AKAP9: variants seen among roughly 807,000 people sequenced by gnomAD.
AKAP9 encodes A-kinase anchoring protein 9.
Under a neutral mutation model 488.5 loss-of-function variants are expected in AKAP9, and 311 were observed. That is an observed-to-expected ratio of 0.64 (90% CI 0.58 to 0.70). The LOEUF is 0.70. Among genes scored for constraint, AKAP9 ranks in the 30% least tolerant of loss-of-function variants. The pLI, the probability that AKAP9 is intolerant of heterozygous loss-of-function variation, is 0.00. For missense variants in AKAP9, 4,215 were observed against 4,374.5 expected, an observed-to-expected ratio of 0.96 and a Z score of 1.03; for synonymous variants, 1,462 against 1,483.5, an observed-to-expected ratio of 0.99 and a Z score of 0.33.
chr7:91,976,820 T>C (rs1266416895), intron 2 of AKAP9, among the ~76,000 whole-genome samples: 1 of 152,220 alleles, frequency 6.6e-6, no homozygotes, highest in Admixed American at 6.5e-5. Flanking sequence ...ATTCCAGAAT[T>C]TTTATTTGAT....
At chr7:92,082,495 G>GT (rs755799085) in intron 31 of AKAP9, 27 bp from the exon 32 acceptor site, 1 of 1,610,438 alleles carries the variant, frequency 6.2e-7, no homozygotes, top group African/African-American at 1.3e-5. Flanking sequence ...TAAATTATGT[G>GT]TTTCTTGTGT....
intron 48 of AKAP9, 104 bp from the exon 49 acceptor site, chr7:92,108,390 G>T: frequency 8.8e-7 from 1 of 1,131,408 alleles, no homozygotes; most frequent in Non-Finnish European, 1.3e-6. Flanking sequence ...CATTATGTGT[G>T]TACAAGTGAC....
intron 38 of AKAP9, among the ~76,000 whole-genome samples, chr7:92,091,633 C>T (rs1352390533): frequency 5.6e-5 from 8 of 144,136 alleles, no homozygotes; most frequent in Non-Finnish European, 1.2e-4. Context: ...ATTCTTACCA[C>T]TGAGTTTAAG....
chr7:92,077,100 T>TC (rs1438176065), intron 29 of AKAP9, 93 bp downstream of exon 29: 2 of 468,544 alleles, frequency 4.3e-6, no homozygotes, highest in Non-Finnish European at 6.0e-6. Flanking sequence ...TTCTTTCTTT[T>TC]TTTTTTTTTT....
At chr7:92,102,939 G>T in intron 46 of AKAP9, 113 bp downstream of exon 46, 1 of 966,072 alleles carries the variant, frequency 1.0e-6, no homozygotes, top group South Asian at 1.4e-5. Flanking sequence ...ATAGTAGGAG[G>T]TATGTGCCAT....
Position 92,092,941 on chromosome 7 carries a change from A to G in AKAP9, c.9359-156A>G. 4.6e-6 allele frequency: 3 copies of G among 651,654 alleles called. No homozygotes were observed. The South Asian group carries it at 5.8e-5, about 13-fold the overall frequency. 40.4% of individuals were successfully genotyped at this position (651,654 alleles called of 1,614,324 possible). A position where few individuals can be genotyped will look rare whatever the true frequency, so the allele number is the denominator to read the frequency against. ...GCTGGGATTACAGGTGTGAGCCACC[A>G]TGCCTGGACTGCATTACCAACTCTT... On this transcript the variant is annotated intron_variant, in intron 38 of 49. Transcript: ENST00000356239.
chr7:92,096,600 G>A (rs1816619567), intron 40 of AKAP9, 89 bp from the exon 41 acceptor site: 1 of 1,488,082 alleles, frequency 6.7e-7, no homozygotes, highest in African/African-American at 1.4e-5. Flanking sequence ...GCCTCCCAAA[G>A]TGCTGGGATT....
At chr7:91,986,190 G>A (rs190175324) in intron 3 of AKAP9, among the ~76,000 whole-genome samples, 290 of 152,284 alleles carry the variant, frequency 1.9e-3, no homozygotes, top group African/African-American at 6.5e-3. Context: ...GAAAGAAATG[G>A]GACCTGCTGA....
chr7:91,960,337 G>C (rs368697455), intron 1 of AKAP9, among the ~76,000 whole-genome samples: 3 of 152,142 alleles, frequency 2.0e-5, no homozygotes, highest in African/African-American at 7.2e-5. Flanking sequence ...TGTTCTTTAA[G>C]TTACTGTTCT....
intron 1 of AKAP9, among the ~76,000 whole-genome samples, chr7:91,964,445 A>G (rs1794168708): frequency 6.6e-6 from 1 of 152,164 alleles, no homozygotes; most frequent in African/African-American, 2.4e-5. Flanking sequence ...TTAGGTGGTG[A>G]TATTTTAGGT....
rs548226435 is a variant in AKAP9 at position 92,014,033 on chromosome 7, A to G, written c.3533-216A>G. ...CATTTTTTTGTGTTGGGTTGTAGTAAAAAGAAGTCACTGCTTTGTACCATT... is the reference window on the plus strand; with the variant it reads ...CATTTTTTTGTGTTGGGTTGTAGTAGAAAGAAGTCACTGCTTTGTACCATT... On this transcript the variant is annotated intron_variant, in intron 9 of 49. Coordinates refer to ENST00000356239, the MANE Select transcript of AKAP9 (RefSeq NM_005751.5). Among the ~76,000 whole-genome samples, 13 of 152,306 alleles carry G rather than the reference A, an allele frequency of 8.5e-5. No individual in the cohort carries two copies. In the East Asian group the frequency reaches 2.5e-3, roughly 29 times the overall value.
chr7:92,077,097 T>TC (rs1491550014), intron 29 of AKAP9, 90 bp downstream of exon 29: 3 of 227,610 alleles, frequency 1.3e-5, no homozygotes, highest in Middle Eastern at 1.8e-3. Flanking sequence ...TATTTCTTTC[T>TC]TTTTTTTTTT....
chr7:91,948,454 T>G (rs1262248947), intron 1 of AKAP9, among the ~76,000 whole-genome samples: 2 of 152,164 alleles, frequency 1.3e-5, no homozygotes, highest in African/African-American at 4.8e-5. Flanking sequence ...TTTCTGTTTT[T>G]TTTGTTTGTT....
intron 43 of AKAP9, 91 bp downstream of exon 43, chr7:92,098,305 C>A: frequency 1.4e-6 from 1 of 721,382 alleles, no homozygotes; most frequent in Non-Finnish European, 2.4e-6. Context: ...ATTCTTTATA[C>A]TCTTTATAGA....
At chr7:91,958,189 G>A (rs1329179418) in intron 1 of AKAP9, among the ~76,000 whole-genome samples, 1 of 152,176 alleles carries the variant, frequency 6.6e-6, no homozygotes, top group Non-Finnish European at 1.5e-5. Flanking sequence ...AGATGCAGCA[G>A]TTCTTTTATT....
chr7:92,031,503 T>C lies in AKAP9; in HGVS notation c.4246-9T>C, dbSNP rs765294379. On this transcript the variant is annotated splice_polypyrimidine_tract_variant and intron_variant, in intron 15 of 49. Coordinates refer to ENST00000356239, the MANE Select transcript of AKAP9 (RefSeq NM_005751.5). The stretch of plus-strand genomic sequence containing the variant: ...GTAAATAAATGTCATATTTTGCTTT[T>C]AAATGTAGTTTTCTGGTGAATTTGG... The C allele has an allele frequency of 8.1e-6, 13 of 1,598,142 alleles. No individual in the cohort carries two copies. The highest frequency in any genetic ancestry group is 1.1e-5 in the Non-Finnish European group (13 of 1,166,230).
intron 3 of AKAP9, among the ~76,000 whole-genome samples, chr7:91,988,816 A>G (rs912690536): frequency 2.6e-5 from 4 of 152,114 alleles, no homozygotes; most frequent in African/African-American, 9.7e-5. Context: ...TTATTATTAT[A>G]CTTTAAGTTC....
At chr7:92,055,882 T>C (rs1395487732) in intron 22 of AKAP9, among the ~76,000 whole-genome samples, 1 of 151,978 alleles carries the variant, frequency 6.6e-6, no homozygotes. Context: ...TTGAGTCTTT[T>C]TTGCCCTAAT....
At position 91,980,325 on chromosome 7, in the gene AKAP9, A is replaced by C; in HGVS notation, c.343A>C (p.Ser115Arg). The change falls in exon 3 of 50, where the codon AGT becomes CGT. Residue 115 changes from serine (S) to arginine (R), a missense_variant. By Grantham distance (110) the Ser-to-Arg change is moderately radical (BLOSUM62 -1). Coordinates refer to ENST00000356239, the MANE Select transcript of AKAP9 (RefSeq NM_005751.5). ...AATTTCAACCACAGCAGATGACTGC[A>C]GTTCAGAGGTAAGACTAAATTATAT... ...SEISTTADDC[S>R]SEVNGCSFVM... 1 of 1,566,232 alleles carries C rather than the reference A, an allele frequency of 6.4e-7. No homozygotes were observed.
Sources: gnomAD v4.1 joint callset for allele counts (sites outside exome capture counted in the v4.1 genomes callset) on GRCh38, gnomAD v4.1.1 for gene constraint, MANE v1.5 for transcripts, NCBI Gene and HGNC (gene_info 2026-07-23, HGNC 2026-07-21) for gene names.